The following CDH13 variants were observed in gnomAD, a reference collection of about 807,000 sequenced individuals.
CDH13 encodes the protein cadherin 13, also known as cadherin-13.
In CDH13, 24 loss-of-function variants were observed where a neutral mutation model predicts 63.8. The observed-to-expected ratio is 0.38, with a 90% CI of 0.27 to 0.53. The LOEUF (loss-of-function observed/expected upper bound fraction) is 0.53. Ranked by LOEUF, CDH13 falls within the 20% of genes least tolerant of loss-of-function variation. The pLI is 0.85. For missense variants in CDH13, 1,049 were observed against 903.1 expected, an observed-to-expected ratio of 1.16 and a Z score of -2.07; for synonymous variants, 503 against 355.3, an observed-to-expected ratio of 1.42 and a Z score of -4.67.
chr16:82,984,323 G>T (rs1301601919), intron 2 of CDH13, among the ~76,000 whole-genome samples: 1 of 152,210 alleles, frequency 6.6e-6, no homozygotes, highest in Non-Finnish European at 1.5e-5. Flanking sequence ...CATGGGAAAT[G>T]TGTTGTGCTA....
chr16:83,660,842 T>C (rs910604054), intron 8 of CDH13, among the ~76,000 whole-genome samples: 1 of 152,216 alleles, frequency 6.6e-6, no homozygotes, highest in Non-Finnish European at 1.5e-5. Context: ...GTGTTTTGCA[T>C]TTTCTTTCAT....
intron 2 of CDH13, among the ~76,000 whole-genome samples, chr16:82,994,502 T>A (rs559384575): frequency 2.0e-5 from 3 of 152,276 alleles, no homozygotes; most frequent in African/African-American, 7.2e-5. Context: ...TTCATCGTAA[T>A]CTCCCAACCT....
chr16:83,439,508 C>T (rs11861812), intron 6 of CDH13, among the ~76,000 whole-genome samples: 15,565 of 152,172 alleles, frequency 0.1, 812 homozygotes, highest in African/African-American at 0.13. Flanking sequence ...GGTTGCTATT[C>T]GGAAGCATGG....
At chr16:83,433,674 C>G (rs1165380875) in intron 6 of CDH13, among the ~76,000 whole-genome samples, 2 of 152,350 alleles carry the variant, frequency 1.3e-5, no homozygotes, top group African/African-American at 2.4e-5. Flanking sequence ...GGAGCCCTCT[C>G]AAGTCCAGTT....
intron 1 of CDH13, among the ~76,000 whole-genome samples, chr16:82,643,242 A>T (rs1168619726): frequency 6.6e-6 from 1 of 152,248 alleles, no homozygotes; most frequent in Non-Finnish European, 1.5e-5. Flanking sequence ...GGTATTGAAT[A>T]GGAAAACAAG....
chr16:83,579,904 C>T (rs1396231391), intron 7 of CDH13, among the ~76,000 whole-genome samples: 2 of 152,080 alleles, frequency 1.3e-5, no homozygotes, highest in African/African-American at 2.4e-5. Flanking sequence ...AACATTTGAG[C>T]TGACACTTAA....
intron 5 of CDH13, among the ~76,000 whole-genome samples, chr16:83,241,124 A>C (rs1476670743): frequency 6.6e-6 from 1 of 152,166 alleles, no homozygotes; most frequent in African/African-American, 2.4e-5. Flanking sequence ...TGCATAATGC[A>C]CTTGAGGTTC....
intron 10 of CDH13, among the ~76,000 whole-genome samples, chr16:83,692,865 C>A (rs572983264): frequency 6.6e-6 from 1 of 152,088 alleles, no homozygotes; most frequent in Non-Finnish European, 1.5e-5. Flanking sequence ...AGGTGGATCA[C>A]GAGGTCAGGA....
At chr16:83,436,265 A>C (rs76304136) in intron 6 of CDH13, among the ~76,000 whole-genome samples, 1 of 152,326 alleles carries the variant, frequency 6.6e-6, no homozygotes, top group East Asian at 1.9e-4. Flanking sequence ...ATTCTGGGGC[A>C]ATTTCGCTAC....
intron 4 of CDH13, among the ~76,000 whole-genome samples, chr16:83,138,561 G>T (rs1478142618): frequency 6.6e-6 from 1 of 152,306 alleles, no homozygotes; most frequent in African/African-American, 2.4e-5. Flanking sequence ...ATTCAAAGTG[G>T]CTGTGATGCA....
intron 8 of CDH13, among the ~76,000 whole-genome samples, chr16:83,647,685 A>T (rs1911965501): frequency 6.6e-6 from 1 of 152,176 alleles, no homozygotes; most frequent in Non-Finnish European, 1.5e-5. Context: ...CTAGAATATG[A>T]TTCCCCTCAA....
At chr16:83,608,728 G>C (rs896264806) in intron 8 of CDH13, among the ~76,000 whole-genome samples, 3 of 142,854 alleles carry the variant, frequency 2.1e-5, no homozygotes, top group African/African-American at 7.9e-5. Context: ...GGCTGGTCTT[G>C]AACTATTGGG....
chr16:83,574,634 C>T (rs1195658629), intron 7 of CDH13, among the ~76,000 whole-genome samples: 1 of 152,222 alleles, frequency 6.6e-6, no homozygotes, highest in Admixed American at 6.5e-5. Flanking sequence ...GGATGGCATT[C>T]CGTGCCTGCG....
chr16:83,276,139 A>C (rs1445603392), intron 5 of CDH13, among the ~76,000 whole-genome samples: 2 of 152,150 alleles, frequency 1.3e-5, no homozygotes, highest in African/African-American at 4.8e-5. Flanking sequence ...CCACACTCTC[A>C]GGCTGTTGTC....
At chr16:83,290,276 A>T (rs1353997450) in intron 5 of CDH13, among the ~76,000 whole-genome samples, 1 of 152,162 alleles carries the variant, frequency 6.6e-6, no homozygotes, top group Non-Finnish European at 1.5e-5. Flanking sequence ...TTCACTCTTC[A>T]GTCCCTGATA....
At position 83,783,282 on chromosome 16, in the gene CDH13, A is replaced by G. The variant is rs117780495; in HGVS notation, c.1944A>G (p.Gln648=). The change falls in exon 13 of 14, where the codon CAA becomes CAG. Residue 648 remains glutamine, a synonymous_variant. Transcript: ENST00000567109. ...CACACGCCCTGGTAAGCCTTCTTCAAAATCTGAACAAAGCAAACTACAACC... is the reference window on the plus strand; with the variant it reads ...CACACGCCCTGGTAAGCCTTCTTCAGAATCTGAACAAAGCAAACTACAACC... ...NNTHALVSLL[Q]NLNKANYNLP... 1.2e-3 allele frequency: 1,988 copies of G among 1,613,916 alleles called. 9 individuals carry two copies. The East Asian group carries it at 0.018, about 15-fold the overall frequency.
At chr16:82,698,404 C>T (rs1310024262) in intron 1 of CDH13, among the ~76,000 whole-genome samples, 1 of 152,212 alleles carries the variant, frequency 6.6e-6, no homozygotes, top group African/African-American at 2.4e-5. Context: ...AGCTTTTGCT[C>T]TGTGACAGAC....
chr16:82,628,546 G>A (rs1907634220), intron 1 of CDH13, among the ~76,000 whole-genome samples: 1 of 152,142 alleles, frequency 6.6e-6, no homozygotes, highest in East Asian at 1.9e-4. Flanking sequence ...AGATTCAAGT[G>A]CCCGGCTGCT....
At chr16:83,653,972 G>C (rs1404989002) in intron 8 of CDH13, among the ~76,000 whole-genome samples, 1 of 152,180 alleles carries the variant, frequency 6.6e-6, no homozygotes, top group Non-Finnish European at 1.5e-5. Context: ...TGAACGAGTG[G>C]CTAGGAACAC....
Sources: gnomAD v4.1 joint callset for allele counts (sites outside exome capture counted in the v4.1 genomes callset) on GRCh38, gnomAD v4.1.1 for gene constraint, MANE v1.5 for transcripts, NCBI Gene and HGNC (gene_info 2026-07-23, HGNC 2026-07-21) for gene names.